Variants in PCDHGA2 observed in about 807,000 individuals in gnomAD.
The protein encoded by PCDHGA2 is protocadherin gamma subfamily A, 2.
PCDHGA2 carries 40 observed loss-of-function variants against 59.2 expected under a neutral mutation model. That is an observed-to-expected ratio of 0.68 (90% CI 0.52 to 0.88). PCDHGA2 has a LOEUF of 0.88. PCDHGA2 is among the 40% of genes least tolerant of loss of function. PCDHGA2 has a pLI of 0.00. For synonymous variants in PCDHGA2, 560 were observed against 526.0 expected, an observed-to-expected ratio of 1.06 and a Z score of -0.89; for missense variants, 1,226 against 1,204.0, an observed-to-expected ratio of 1.02 and a Z score of -0.27.
chr5:141,462,486 G>A (rs62379193), intron 1 of PCDHGA2, among the ~76,000 whole-genome samples: 5,124 of 152,042 alleles, frequency 0.034, 100 homozygotes, highest in Middle Eastern at 0.088. Flanking sequence ...CGTGGTTGTT[G>A]TATCCTATAA....
chr5:141,487,595 G>C lies in PCDHGA2; in HGVS notation c.2425-7212G>C. ...TGTTCGCCCAAGCTGCCCACCCTCT[G>C]ATCTTCTCTATGGGCTAGAGGTGAG... On this transcript the variant is annotated intron_variant, in intron 1 of 3. Coordinates refer to ENST00000394576, the MANE Select transcript of PCDHGA2 (RefSeq NM_018915.4). The surrounding 1 kb of genome is among the most constrained non-coding windows in gnomAD (Gnocchi z 5.0). 1 of 1,614,202 alleles carries C rather than the reference G, an allele frequency of 6.2e-7. No homozygotes were observed. The highest frequency in any genetic ancestry group is 8.5e-7 in the Non-Finnish European group (1 of 1,180,038).
chr5:141,362,574 T>C, intron 1 of PCDHGA2: 3 of 1,605,712 alleles, frequency 1.9e-6, no homozygotes, highest in Non-Finnish European at 2.6e-6. Flanking sequence ...TTAATTAATT[T>C]ATTTTCACTT....
intron 1 of PCDHGA2, chr5:141,384,896 A>G (rs1588983120): frequency 1.2e-6 from 2 of 1,613,766 alleles, no homozygotes; most frequent in African/African-American, 1.3e-5. Flanking sequence ...GCTGTGGCTG[A>G]CAGCATCCCC....
chr5:141,423,234 C>A (rs1408925478), intron 1 of PCDHGA2: 1 of 1,613,800 alleles, frequency 6.2e-7, no homozygotes, highest in Non-Finnish European at 8.5e-7. Context: ...CCGACAGCAT[C>A]CCCGAAGTCC....
chr5:141,435,853 T>C (rs1034164236), intron 1 of PCDHGA2, among the ~76,000 whole-genome samples: 1 of 152,110 alleles, frequency 6.6e-6, no homozygotes, highest in African/African-American at 2.4e-5. Context: ...AAAGATACAA[T>C]AGTTAAAACC....
At chr5:141,378,758 C>G (rs969501970) in intron 1 of PCDHGA2, 1 of 152,162 alleles carries the variant, frequency 6.6e-6, no homozygotes, top group Non-Finnish European at 1.5e-5. Flanking sequence ...AAGGGATTAT[C>G]ATTTAGAAGA....
intron 2 of PCDHGA2, among the ~76,000 whole-genome samples, chr5:141,503,166 A>T (rs1246987375): frequency 1.3e-5 from 2 of 151,884 alleles, no homozygotes; most frequent in Admixed American, 1.3e-4. Context: ...CACAATTGCA[A>T]TTACTCTATT....
chr5:141,345,569 C>G (rs749384944), intron 1 of PCDHGA2: 6 of 1,614,194 alleles, frequency 3.7e-6, no homozygotes, highest in Non-Finnish European at 5.1e-6. Context: ...CCAACACTGG[C>G]GTCCTATACG....
chr5:141,365,924 G>T, intron 1 of PCDHGA2: 1 of 1,614,212 alleles, frequency 6.2e-7, no homozygotes, highest in Non-Finnish European at 8.5e-7. Flanking sequence ...ACAGTTGTGG[G>T]TGACAGCCAG....
At chr5:141,427,896 C>T in intron 1 of PCDHGA2, 2 of 1,570,508 alleles carry the variant, frequency 1.3e-6, no homozygotes, top group Non-Finnish European at 1.7e-6. Context: ...CCAGGGCTCG[C>T]CCGCGCTCAG....
At chr5:141,415,074 G>A (rs745950404) in intron 1 of PCDHGA2, 4 of 1,613,448 alleles carry the variant, frequency 2.5e-6, no homozygotes, top group East Asian at 2.2e-5. Flanking sequence ...TGCGCACGGC[G>A]CGAGCCCTGC....
At chr5:141,426,453 G>A (rs902416171) in intron 1 of PCDHGA2, 4 of 310,612 alleles carry the variant, frequency 1.3e-5, no homozygotes, top group African/African-American at 8.6e-5. Flanking sequence ...ACATGCGGCT[G>A]CATGTTCAGG....
At chr5:141,346,182 C>A (rs763074120) in intron 1 of PCDHGA2, 27 of 1,613,912 alleles carry the variant, frequency 1.7e-5, no homozygotes, top group South Asian at 2.2e-5. Context: ...GCTCAGGCTG[C>A]GGCGCTGGCA....
intron 1 of PCDHGA2, chr5:141,430,838 G>C (rs866767896): frequency 1.3e-6 from 2 of 1,563,026 alleles, no homozygotes; most frequent in Middle Eastern, 1.7e-4. Context: ...GTGGGAGACC[G>C]GATGCACCCA....
intron 1 of PCDHGA2, chr5:141,478,693 G>A: frequency 6.4e-7 from 1 of 1,550,764 alleles, no homozygotes; most frequent in Non-Finnish European, 8.7e-7. Context: ...CTAGATCAAA[G>A]TTAGTGCCTT....
In PCDHGA2 at chr5:141,512,088, A is replaced by G. The variant is rs192947391; in HGVS notation, c.*915A>G. 2.6e-5 allele frequency: 4 copies of G among 152,772 alleles called. No individual in the cohort carries two copies. Among genetic ancestry groups the G allele is most frequent in the Admixed American group, 6.5e-5 (1 of 15,306 alleles). 9.5% of individuals were successfully genotyped at this position (152,772 alleles called of 1,614,324 possible). On this transcript the variant is annotated 3_prime_UTR_variant, in exon 4 of 4. Transcript: ENST00000394576. ...TCCTCCAGATTCCAGCCATAAACCAATAACTAGGCTGGACCCTTCCCACTA... is the reference window on the plus strand; with the variant it reads ...TCCTCCAGATTCCAGCCATAAACCAGTAACTAGGCTGGACCCTTCCCACTA...
intron 1 of PCDHGA2, chr5:141,382,797 G>A: frequency 5.0e-6 from 5 of 999,472 alleles, no homozygotes; most frequent in Non-Finnish European, 5.9e-6. Context: ...TATCCTGCTG[G>A]ATTCTGAGCT....
At chr5:141,389,267 GA>G (rs2091674195) in intron 1 of PCDHGA2, 1 of 1,613,890 alleles carries the variant, frequency 6.2e-7, no homozygotes, top group African/African-American at 1.3e-5. Context: ...ACGTGGCCGA[GA>G]ACAACCCGCC....
intron 1 of PCDHGA2, chr5:141,398,763 G>C (rs767181565): frequency 3.7e-6 from 6 of 1,613,788 alleles, no homozygotes; most frequent in Non-Finnish European, 5.1e-6. Flanking sequence ...GTTTAGTCCT[G>C]ACTGCCTTGG....
Sources: allele counts gnomAD v4.1 joint callset (sites outside exome capture counted in the v4.1 genomes callset), GRCh38; gene constraint gnomAD v4.1.1; non-coding constraint Gnocchi (gnomAD v3.1); transcripts MANE v1.5; gene names NCBI Gene and HGNC (gene_info 2026-07-23, HGNC 2026-07-21).